CHM: variants seen among roughly 807,000 people sequenced by gnomAD.
The protein encoded by CHM is rab proteins geranylgeranyltransferase component A 1.
In CHM, 10 loss-of-function variants were observed where a neutral mutation model predicts 49.0. The ratio of observed to expected loss-of-function variants is 0.20; its 90% CI spans 0.13 to 0.35. The LOEUF (loss-of-function observed/expected upper bound fraction) is 0.35. CHM is among the 10% of genes least tolerant of loss of function. The pLI, the probability that CHM is intolerant of heterozygous loss-of-function variation, is 1.00. For missense variants in CHM, 455 were observed against 478.4 expected (o/e 0.95, Z 0.46); for synonymous variants, 184 against 167.5 (o/e 1.10, Z -0.76).
In CHM at chrX:85,863,473, A is replaced by G. The variant is rs1207852141; in HGVS notation, c.*1157T>C. Reference sequence around the variant, plus strand: ...AGGTTTACCTACCAGAAAAGGAATAAAACAATTTATAGAGTGTTTTCCTTA... The same window carrying G: ...AGGTTTACCTACCAGAAAAGGAATAGAACAATTTATAGAGTGTTTTCCTTA... On this transcript the variant is annotated 3_prime_UTR_variant, in exon 15 of 15. Coordinates refer to ENST00000357749, the MANE Select transcript of CHM (RefSeq NM_000390.4). The G allele has an allele frequency of 8.9e-6, 1 of 111,931 alleles. No homozygotes were observed. Among genetic ancestry groups the G allele is most frequent in the Non-Finnish European group, 1.9e-5 (1 of 53,203 alleles). The allele number at this position is 111,931 out of a possible 1,213,427, so 9.2% of individuals were successfully genotyped here.
intron 12 of CHM, among the ~76,000 whole-genome samples, chrX:85,886,553 G>A (rs1157756426): frequency 9.0e-6 from 1 of 111,222 alleles, no homozygotes; most frequent in Non-Finnish European, 1.9e-5. Flanking sequence ...AATAAACACA[G>A]GGTATATTTG....
chrX:85,993,860 A>G (rs1932322798), intron 2 of CHM, among the ~76,000 whole-genome samples: 1 of 111,886 alleles, frequency 8.9e-6, no homozygotes, highest in Non-Finnish European at 1.9e-5. Flanking sequence ...AGAACTACTC[A>G]AATTCAGTAT....
intron 1 of CHM, among the ~76,000 whole-genome samples, chrX:86,040,352 C>T (rs938071978): frequency 4.9e-4 from 55 of 112,017 alleles, no homozygotes; most frequent in African/African-American, 1.6e-3. Flanking sequence ...ACAGCAGGTC[C>T]GAGTGAGTGG....
chrX:85,888,108 TCAAGAGACCTTTGCAGCAGC>T (rs1320811256), intron 12 of CHM, among the ~76,000 whole-genome samples: 14 of 111,256 alleles, frequency 1.3e-4, no homozygotes, highest in African/African-American at 4.6e-4. Flanking sequence ...CTAGGCCATG[TCAAGAGACCTTTGCAGCAGC>T]CCCTCCCATC....
chrX:85,897,306 C>T (rs201342400), intron 11 of CHM, among the ~76,000 whole-genome samples: 47 of 76,389 alleles, frequency 6.2e-4, no homozygotes, highest in South Asian at 2.0e-3. Flanking sequence ...CTTGTGTGTG[C>T]GTGTGTGTGT....
chrX:85,956,030 T>C (rs1220389623), intron 8 of CHM, 123 bp downstream of exon 8: 17 of 532,929 alleles, frequency 3.2e-5, no homozygotes, highest in Non-Finnish European at 4.3e-5. Flanking sequence ...AAAAAATAAA[T>C]AGAATAAAGT....
intron 9 of CHM, among the ~76,000 whole-genome samples, chrX:85,902,057 T>C (rs967843599): frequency 8.9e-6 from 1 of 111,977 alleles, no homozygotes; most frequent in Admixed American, 9.5e-5. Context: ...CAGTATGCAA[T>C]ATTTCAGGAA....
At chrX:85,955,841 T>C (rs1929978444) in intron 8 of CHM, among the ~76,000 whole-genome samples, 1 of 111,924 alleles carries the variant, frequency 8.9e-6, no homozygotes, top group Non-Finnish European at 1.9e-5. Flanking sequence ...TAGATTGTGG[T>C]GTATTCACAA....
chrX:86,027,412 A>G (rs904567714), intron 2 of CHM, 79 bp downstream of exon 2: 11 of 782,974 alleles, frequency 1.4e-5, no homozygotes, highest in Non-Finnish European at 1.8e-5. Context: ...ATACGTACAG[A>G]CATATATGTG....
chrX:85,990,658 T>C (rs967972628), intron 2 of CHM, among the ~76,000 whole-genome samples: 1 of 111,577 alleles, frequency 9.0e-6, no homozygotes, highest in Non-Finnish European at 1.9e-5. Context: ...AATCAAGATC[T>C]TTCTCATCCT....
chrX:86,037,110 CTTTTTTTTTTTTT>C (rs1048558599), intron 1 of CHM, among the ~76,000 whole-genome samples: 4 of 70,782 alleles, frequency 5.7e-5, no homozygotes, highest in Non-Finnish European at 1.1e-4. Flanking sequence ...CTAATTTTTC[CTTTTTTTTTTTTT>C]TTTTTTTTTT....
At chrX:85,918,465 C>T (rs908336436) in intron 8 of CHM, among the ~76,000 whole-genome samples, 6 of 111,872 alleles carry the variant, frequency 5.4e-5, no homozygotes, top group Admixed American at 3.8e-4. Flanking sequence ...AGTACATAGA[C>T]CACTGCCACT....
At chrX:85,871,254 C>T (rs1924042664) in intron 14 of CHM, among the ~76,000 whole-genome samples, 2 of 97,127 alleles carry the variant, frequency 2.1e-5, no homozygotes, top group East Asian at 3.3e-4. Flanking sequence ...TTGCAGTGAG[C>T]CAAGATTGCG....
chrX:86,039,833 G>A (rs746370048), intron 1 of CHM, among the ~76,000 whole-genome samples: 20 of 111,418 alleles, frequency 1.8e-4, no homozygotes, highest in South Asian at 7.7e-4. Context: ...GAAGTGGCTC[G>A]ACTTCAGAGG....
intron 8 of CHM, among the ~76,000 whole-genome samples, chrX:85,949,238 C>T (rs1226204559): frequency 1.8e-5 from 2 of 112,011 alleles, no homozygotes; most frequent in African/African-American, 6.5e-5. Flanking sequence ...TATATCTGTA[C>T]ATGACAAACA....
At chrX:85,985,400 G>A (rs755274243) in intron 2 of CHM, among the ~76,000 whole-genome samples, 6 of 112,375 alleles carry the variant, frequency 5.3e-5, no homozygotes, top group South Asian at 3.7e-4. Flanking sequence ...GGCCAAAAGA[G>A]ATTTGAAACC....
chrX:85,903,636 G>A, intron 9 of CHM: 2 of 386,147 alleles, frequency 5.2e-6, no homozygotes, highest in Non-Finnish European at 1.0e-5. Flanking sequence ...GGAGGAAAAG[G>A]AAGCAAATCA....
At chrX:86,047,119 C>T (rs1294586154) in intron 1 of CHM, 4 of 283,016 alleles carry the variant, frequency 1.4e-5, no homozygotes, top group African/African-American at 2.7e-5. Context: ...ACCTTGAAAT[C>T]AATAAGGAAG....
Position 85,945,969 on chromosome X carries a change from C to T in CHM, c.1166+10184G>A, listed in dbSNP as rs149126201. Among the ~76,000 whole-genome samples, 540 of 111,921 alleles carry T rather than the reference C, an allele frequency of 4.8e-3. 4 individuals are homozygous for T. Among genetic ancestry groups the T allele is most frequent in the African/African-American group, 0.017 (510 of 30,812 alleles). On this transcript the variant is annotated intron_variant, in intron 8 of 14. Coordinates refer to ENST00000357749, the MANE Select transcript of CHM (RefSeq NM_000390.4). ...TATGCCTAAGCAAAGACCTTGGCTG[C>T]GTTCTGTTCATGTCCGGGGGATCTG... is the stretch of plus-strand genomic sequence containing the variant.
Sources: gnomAD v4.1 joint callset for allele counts (sites outside exome capture counted in the v4.1 genomes callset) on GRCh38, gnomAD v4.1.1 for gene constraint, MANE v1.5 for transcripts, NCBI Gene and HGNC (gene_info 2026-07-23, HGNC 2026-07-21) for gene names.